DCC: variants seen among roughly 807,000 people sequenced by gnomAD.
DCC encodes the protein DCC netrin 1 receptor.
A neutral mutation model predicts 172.5 loss-of-function variants in DCC; 58 were observed. That is an observed-to-expected ratio of 0.34 (90% CI 0.27 to 0.42). The LOEUF is 0.42. Ranked by LOEUF, DCC falls within the 10% of genes least tolerant of loss-of-function variation. The pLI is 1.00. For missense variants in DCC, 1,740 were observed against 1,791.0 expected, an observed-to-expected ratio of 0.97 and a Z score of 0.51; for synonymous variants, 709 against 644.5, an observed-to-expected ratio of 1.10 and a Z score of -1.52.
At chr18:53,296,811 T>C (rs566949826) in intron 12 of DCC, among the ~76,000 whole-genome samples, 1 of 152,316 alleles carries the variant, frequency 6.6e-6, no homozygotes, top group African/African-American at 2.4e-5. Flanking sequence ...AAACTGATTT[T>C]AAATTAGTTT....
intron 1 of DCC, among the ~76,000 whole-genome samples, chr18:52,629,084 AC>A (rs762320471): frequency 2.6e-5 from 4 of 152,246 alleles, no homozygotes; most frequent in Non-Finnish European, 5.9e-5. Flanking sequence ...ATGTCTACTC[AC>A]TTTCAAAATT....
In DCC at chr18:53,459,492, T is replaced by C. The variant is rs557920355; in HGVS notation, c.3619+34T>C. ...CTTTTCACTGGCATTAGGGAAAACA[T>C]ACCATTCTGAACCCAAGGGAGTTTT... On this transcript the variant is annotated intron_variant, in intron 24 of 28. Transcript: ENST00000442544. The C allele has an allele frequency of 1.3e-5, 18 of 1,394,304 alleles. No homozygotes were observed. The African/African-American group carries it at 2.5e-4, about 20-fold the overall frequency. 86.4% of individuals were successfully genotyped at this position (1,394,304 alleles called of 1,614,324 possible). A position where few individuals can be genotyped will look rare whatever the true frequency, so the allele number is the denominator to read the frequency against.
At chr18:52,735,358 C>A (rs2036709236) in intron 1 of DCC, among the ~76,000 whole-genome samples, 1 of 152,176 alleles carries the variant, frequency 6.6e-6, no homozygotes, top group African/African-American at 2.4e-5. Flanking sequence ...CTTTGTCCCT[C>A]TTCCCAGATT....
chr18:52,711,567 G>A (rs17682457), intron 1 of DCC, among the ~76,000 whole-genome samples: 6,280 of 152,290 alleles, frequency 0.041, 203 homozygotes, highest in South Asian at 0.13. Context: ...ACTTGCCAAG[G>A]CTGTTGGTGT....
chr18:53,392,912 G>A (rs1323313808), intron 17 of DCC, among the ~76,000 whole-genome samples: 4 of 152,314 alleles, frequency 2.6e-5, no homozygotes, highest in African/African-American at 9.6e-5. Flanking sequence ...GATTGGGAGT[G>A]AAGAAGTCAG....
At chr18:52,392,146 C>T (rs1212207204) in intron 1 of DCC, among the ~76,000 whole-genome samples, 1 of 152,158 alleles carries the variant, frequency 6.6e-6, no homozygotes, top group African/African-American at 2.4e-5. Context: ...GCTTCAGAAT[C>T]AACGTGAAGC....
intron 7 of DCC, among the ~76,000 whole-genome samples, chr18:53,102,513 A>G (rs1261505104): frequency 3.3e-5 from 5 of 152,110 alleles, no homozygotes; most frequent in Non-Finnish European, 7.4e-5. Context: ...TTTTTGATGT[A>G]TATGTATTTC....
At chr18:53,111,963 A>G (rs1395439684) in intron 7 of DCC, among the ~76,000 whole-genome samples, 1 of 151,622 alleles carries the variant, frequency 6.6e-6, no homozygotes, top group East Asian at 2.0e-4. Flanking sequence ...GGAAAAAAAG[A>G]GAAGAAAACA....
chr18:53,261,500 A>G (rs977854271), intron 12 of DCC, among the ~76,000 whole-genome samples: 1 of 152,072 alleles, frequency 6.6e-6, no homozygotes, highest in African/African-American at 2.4e-5. Flanking sequence ...TCAGATCACC[A>G]CAACTTAATC....
chr18:52,743,008 A>G (rs1254653143), intron 1 of DCC, among the ~76,000 whole-genome samples: 1 of 152,204 alleles, frequency 6.6e-6, no homozygotes, highest in Non-Finnish European at 1.5e-5. Context: ...GTTATGGACA[A>G]TTATTATGAT....
rs531483128 is a variant in DCC at position 52,470,106 on chromosome 18, A to G, written c.91+129228A>G. On this transcript the variant is annotated intron_variant, in intron 1 of 28. Coordinates refer to ENST00000442544, the MANE Select transcript of DCC (RefSeq NM_005215.4). ...TTTGATTGTGAAGAAACAGATAAAA[A>G]GAATATTTAGAAATGTATAAAATGC... is the stretch of plus-strand genomic sequence containing the variant. Among the ~76,000 whole-genome samples, 24 of 152,356 alleles carry G rather than the reference A, an allele frequency of 1.6e-4. No homozygotes were observed. The South Asian group carries it at 4.6e-3, about 29-fold the overall frequency.
At chr18:53,495,844 A>C (rs1184798779) in intron 26 of DCC, among the ~76,000 whole-genome samples, 5 of 151,820 alleles carry the variant, frequency 3.3e-5, no homozygotes. Flanking sequence ...TAATCCTCTC[A>C]CTTTATTTCA....
intron 27 of DCC, among the ~76,000 whole-genome samples, chr18:53,513,313 C>T (rs993151725): frequency 2.0e-5 from 3 of 152,118 alleles, no homozygotes; most frequent in African/African-American, 4.8e-5. Context: ...CTGAAGGAAG[C>T]GCTAAACATG....
intron 2 of DCC, among the ~76,000 whole-genome samples, chr18:52,800,480 G>A (rs1266208139): frequency 6.6e-6 from 1 of 152,144 alleles, no homozygotes; most frequent in African/African-American, 2.4e-5. Context: ...CATTGATTCA[G>A]GGTATCATTC....
At position 52,530,110 on chromosome 18, in the gene DCC, ATATAG is replaced by A. The variant is rs1405572295; in HGVS notation, c.91+189236_91+189240del. Among the ~76,000 whole-genome samples the A allele has an allele frequency of 1.5e-4, 23 of 152,376 alleles. No homozygotes were observed. In the East Asian group the frequency reaches 4.4e-3, roughly 29 times the overall value. On this transcript the variant is annotated intron_variant, in intron 1 of 28. Transcript: ENST00000442544. ...TATGACATAATGAAATGTAAAAATA[ATATAG>A]TATGTGTTCAAGCACTTGTAGTTTA...
chr18:53,390,607 A>G (rs967639849), intron 16 of DCC, among the ~76,000 whole-genome samples: 2 of 152,148 alleles, frequency 1.3e-5, no homozygotes, highest in African/African-American at 4.8e-5. Context: ...TTTAAGTGTA[A>G]ATGTCTTAAG....
At position 52,601,427 on chromosome 18, in the gene DCC, T is replaced by C. The variant is rs193047813; in HGVS notation, c.92-150627T>C. Reference sequence around the variant, plus strand: ...TTTGTAAACATCTAATCTCCTGTTATCTTACTCCCTTGGTCAGGCTGTCAA... The same window carrying C: ...TTTGTAAACATCTAATCTCCTGTTACCTTACTCCCTTGGTCAGGCTGTCAA... On this transcript the variant is annotated intron_variant, in intron 1 of 28. Coordinates refer to ENST00000442544, the MANE Select transcript of DCC (RefSeq NM_005215.4). 6.2e-4 allele frequency among the ~76,000 whole-genome samples: 95 copies of C among 152,240 alleles called. 2 individuals are homozygous for C. Among genetic ancestry groups the C allele is most frequent in the African/African-American group, 2.1e-3 (87 of 41,570 alleles).
intron 1 of DCC, among the ~76,000 whole-genome samples, chr18:52,367,048 C>T (rs1984899637): frequency 6.6e-6 from 1 of 152,202 alleles, no homozygotes; most frequent in Non-Finnish European, 1.5e-5. Context: ...AGCCCTGCCC[C>T]GCGGGAAGGC....
At position 53,217,657 on chromosome 18, in the gene DCC, C is replaced by A. The variant is rs184896519; in HGVS notation, c.1911+2060C>A. 6.5e-3 allele frequency among the ~76,000 whole-genome samples: 989 copies of A among 152,078 alleles called. 8 individuals are homozygous for A. The highest frequency in any genetic ancestry group is 0.01 in the Non-Finnish European group (711 of 67,982). On this transcript the variant is annotated intron_variant, in intron 12 of 28. Coordinates refer to ENST00000442544, the MANE Select transcript of DCC (RefSeq NM_005215.4). ...TGCATTCTCAGTGTATTGATTCAGA[C>A]AAAGGCAAATGTAATATTCTATTTT...
Sources: gnomAD v4.1 joint callset for allele counts (sites outside exome capture counted in the v4.1 genomes callset) on GRCh38, gnomAD v4.1.1 for gene constraint, MANE v1.5 for transcripts, NCBI Gene and HGNC (gene_info 2026-07-23, HGNC 2026-07-21) for gene names.